NLN: variants seen among roughly 807,000 people sequenced by gnomAD.
NLN encodes neurolysin, mitochondrial.
NLN carries 64 observed loss-of-function variants against 79.9 expected under a neutral mutation model. The observed-to-expected ratio is 0.80, with a 90% CI of 0.65 to 0.99. The LOEUF (loss-of-function observed/expected upper bound fraction) is 0.99. Ranked by LOEUF, NLN falls within the 50% of genes least tolerant of loss-of-function variation. The pLI, the probability that NLN is intolerant of heterozygous loss-of-function variation, is 0.00. For missense variants in NLN, 835 were observed against 858.7 expected, an observed-to-expected ratio of 0.97 and a Z score of 0.34; for synonymous variants, 267 against 296.6, an observed-to-expected ratio of 0.90 and a Z score of 1.02.
chr5:65,779,747 G>A (rs999147407), intron 4 of NLN, among the ~76,000 whole-genome samples: 5 of 152,142 alleles, frequency 3.3e-5, no homozygotes. Context: ...CACCAGGCTT[G>A]CCTTTCTATA....
rs1206908346 is a variant in NLN at position 65,825,580 on chromosome 5, C to G, written c.*2665C>G. 2 of 152,104 alleles carry G rather than the reference C, an allele frequency of 1.3e-5. No homozygotes were observed. Among genetic ancestry groups the G allele is most frequent in the African/African-American group, 4.8e-5 (2 of 41,404 alleles). 9.4% of individuals were successfully genotyped at this position (152,104 alleles called of 1,614,324 possible). On this transcript the variant is annotated 3_prime_UTR_variant, in exon 13 of 13. Coordinates refer to ENST00000380985, the MANE Select transcript of NLN (RefSeq NM_020726.5). The stretch of plus-strand genomic sequence containing the variant: ...CTCTAGTATAAATGTTGCATGTTAC[C>G]TAGATAAACAACTAAAAATTGCCTT...
At chr5:65,811,823 A>G (rs1404548831) in intron 11 of NLN, among the ~76,000 whole-genome samples, 1 of 152,154 alleles carries the variant, frequency 6.6e-6, no homozygotes, top group Admixed American at 6.5e-5. Context: ...CTCTGTCTCA[A>G]AAAAAAGTTC....
At chr5:65,792,351 ATC>A in intron 8 of NLN, 101 bp from the exon 9 acceptor site, 1 of 710,190 alleles carries the variant, frequency 1.4e-6, no homozygotes, top group Non-Finnish European at 2.4e-6. Context: ...GTTTAAAGGC[ATC>A]TCTGGTAACA....
At chr5:65,799,027 A>G (rs1760226562) in intron 9 of NLN, among the ~76,000 whole-genome samples, 2 of 152,088 alleles carry the variant, frequency 1.3e-5, no homozygotes, top group Admixed American at 1.3e-4. Context: ...GACCACAGGC[A>G]TGTACCACTA....
intron 1 of NLN, among the ~76,000 whole-genome samples, chr5:65,748,969 T>A (rs887483963): frequency 5.3e-5 from 8 of 152,150 alleles, no homozygotes; most frequent in African/African-American, 1.2e-4. Flanking sequence ...TGGGGGCAGA[T>A]TTTTCCTGTG....
At chr5:65,788,525 A>G in intron 8 of NLN, 41 bp downstream of exon 8, 1 of 1,579,992 alleles carries the variant, frequency 6.3e-7, no homozygotes. Context: ...TTAGGGATTC[A>G]GCTATGCCTA....
In NLN at chr5:65,762,980, T is replaced by C. The variant is rs772302965; in HGVS notation, c.322T>C (p.Phe108Leu). ...KYIVERTMLD[F>L]PQHVSSDKEV... ...TGCAGTGGAAAGGACCATGCTAGAC[T>C]TTCCCCAGCATGTATCCTCTGACAA... Residue 108 changes from phenylalanine (F) to leucine (L), a missense_variant, in exon 3 of 13, where the codon TTT becomes CTT. Physicochemically the swap from Phe to Leu is conservative, Grantham distance 22. Transcript: ENST00000380985. The C allele has an allele frequency of 1.9e-5, 31 of 1,613,878 alleles. No homozygotes were observed. The highest frequency in any genetic ancestry group is 8.8e-5 in the South Asian group (8 of 91,082).
intron 9 of NLN, among the ~76,000 whole-genome samples, chr5:65,795,758 T>G (rs964556040): frequency 6.6e-6 from 1 of 152,228 alleles, no homozygotes; most frequent in Non-Finnish European, 1.5e-5. Flanking sequence ...GTGGACCTTC[T>G]ATCAATGTCC....
intron 7 of NLN, among the ~76,000 whole-genome samples, chr5:65,786,938 A>C (rs910263784): frequency 1.3e-5 from 2 of 152,206 alleles, no homozygotes; most frequent in African/African-American, 4.8e-5. Context: ...AAACAACAGA[A>C]GTGTGAACAG....
rs1251857715 is a variant in NLN at position 65,823,585 on chromosome 5, G to A, written c.*670G>A. The A allele has an allele frequency of 6.6e-6, 1 of 152,128 alleles. No homozygotes were observed. The highest frequency in any genetic ancestry group is 1.9e-4 in the East Asian group (1 of 5,204). 9.4% of individuals were successfully genotyped at this position (152,128 alleles called of 1,614,324 possible). A position where few individuals can be genotyped will look rare whatever the true frequency, so the allele number is the denominator to read the frequency against. On this transcript the variant is annotated 3_prime_UTR_variant, in exon 13 of 13. Coordinates refer to ENST00000380985, the MANE Select transcript of NLN (RefSeq NM_020726.5). ...AAAAAATTATGTTTCAGCTAGACTGGTGTAATGTATAAGTTTTTGTATCTT... is the reference window on the plus strand; with the variant it reads ...AAAAAATTATGTTTCAGCTAGACTGATGTAATGTATAAGTTTTTGTATCTT...
At chr5:65,736,997 C>T (rs11956503) in intron 1 of NLN, among the ~76,000 whole-genome samples, 35,972 of 151,904 alleles carry the variant, frequency 0.24, 4,406 homozygotes, top group African/African-American at 0.27. Context: ...CCCAGCTACT[C>T]GGAAGGCTAA....
chr5:65,768,821 C>A (rs1759508000), intron 3 of NLN, among the ~76,000 whole-genome samples: 1 of 152,198 alleles, frequency 6.6e-6, no homozygotes, highest in African/African-American at 2.4e-5. Context: ...CCTTCTCTTC[C>A]TAAAAGGCCA....
intron 9 of NLN, among the ~76,000 whole-genome samples, chr5:65,800,382 G>C (rs765745458): frequency 1.1e-4 from 17 of 152,156 alleles, no homozygotes; most frequent in Non-Finnish European, 2.5e-4. Flanking sequence ...TTGTTTAAAA[G>C]ATAGTAAAGA....
intron 9 of NLN, among the ~76,000 whole-genome samples, chr5:65,801,310 A>G (rs2150769299): frequency 6.6e-6 from 1 of 152,336 alleles, no homozygotes; most frequent in South Asian, 2.1e-4. Context: ...ATTATAGTTT[A>G]AAAACTGGGG....
At position 65,760,324 on chromosome 5, in the gene NLN, T is replaced by G. The variant is rs1759311744; in HGVS notation, c.301+1498T>G. The stretch of plus-strand genomic sequence containing the variant: ...GGCTTCTCAATCTTATTACACGTCT[T>G]GAATTTAAACTCGTGAATAAAAAGA... On this transcript the variant is annotated intron_variant, in intron 2 of 12. Transcript: ENST00000380985. Among the ~76,000 whole-genome samples the G allele has an allele frequency of 2.6e-5, 4 of 152,344 alleles. No individual in the cohort carries two copies. The South Asian group carries it at 8.3e-4, about 32-fold the overall frequency.
intron 1 of NLN, among the ~76,000 whole-genome samples, chr5:65,750,519 C>T (rs1363615648): frequency 6.6e-6 from 1 of 152,136 alleles, no homozygotes; most frequent in Non-Finnish European, 1.5e-5. Context: ...AGGAATTGCT[C>T]ATTATGGGCA....
intron 1 of NLN, among the ~76,000 whole-genome samples, chr5:65,737,142 T>C (rs1238663915): frequency 1.3e-5 from 2 of 150,480 alleles, no homozygotes; most frequent in Non-Finnish European, 2.9e-5. Context: ...CAAAAAAATA[T>C]GTATATTTAA....
At chr5:65,724,559 G>C (rs372821812) in intron 1 of NLN, among the ~76,000 whole-genome samples, 2 of 152,152 alleles carry the variant, frequency 1.3e-5, no homozygotes, top group African/African-American at 2.4e-5. Context: ...ATGTGCACAT[G>C]TCTGTTTGAA....
chr5:65,740,654 C>T (rs147965843), intron 1 of NLN, among the ~76,000 whole-genome samples: 97 of 151,870 alleles, frequency 6.4e-4, no homozygotes, highest in African/African-American at 2.0e-3. Flanking sequence ...TTCCCAACAC[C>T]GTTCCCTGAA....
Sources: allele counts gnomAD v4.1 joint callset (sites outside exome capture counted in the v4.1 genomes callset), GRCh38; gene constraint gnomAD v4.1.1; transcripts MANE v1.5; gene names NCBI Gene and HGNC (gene_info 2026-07-23, HGNC 2026-07-21).